Variants in FRMD4A observed in about 807,000 individuals in gnomAD.
FRMD4A encodes FERM domain containing 4A, also known as FERM domain-containing protein 4A.
Under a neutral mutation model 129.1 loss-of-function variants are expected in FRMD4A, and 29 were observed. The ratio of observed to expected loss-of-function variants is 0.22; its 90% CI spans 0.17 to 0.31. FRMD4A has a LOEUF of 0.31. FRMD4A is among the 10% of genes least tolerant of loss of function. The pLI is 1.00. For missense variants in FRMD4A, 1,272 were observed against 1,375.8 expected (o/e 0.92, Z 1.19); for synonymous variants, 634 against 571.6 (o/e 1.11, Z -1.56).
intron 2 of FRMD4A, among the ~76,000 whole-genome samples, chr10:14,076,631 C>G (rs1835624952): frequency 6.6e-6 from 1 of 151,238 alleles, no homozygotes; most frequent in South Asian, 2.1e-4. Context: ...CAGAGCGAGA[C>G]TCCGTCTCAA....
Position 14,239,652 on chromosome 10 carries a change from C to T in FRMD4A, c.45+90406G>A, listed in dbSNP as rs66964294. 4.0e-5 allele frequency among the ~76,000 whole-genome samples: 6 copies of T among 149,982 alleles called. No individual in the cohort carries two copies. The South Asian group carries it at 1.3e-3, about 32-fold the overall frequency. On this transcript the variant is annotated intron_variant, in intron 2 of 24. Transcript: ENST00000357447. Reference sequence around the variant, plus strand: ...AAGAAAAAACAAACAAACAAACAAACAAAAAAAAACTGGCAAAAGCCAGGT... The same window carrying T: ...AAGAAAAAACAAACAAACAAACAAATAAAAAAAAACTGGCAAAAGCCAGGT...
chr10:13,949,060 A>T (rs1235019048), intron 2 of FRMD4A, among the ~76,000 whole-genome samples: 1 of 152,192 alleles, frequency 6.6e-6, no homozygotes, highest in African/African-American at 2.4e-5. Flanking sequence ...GTGAGTGCTT[A>T]GGAACTGGAG....
intron 2 of FRMD4A, among the ~76,000 whole-genome samples, chr10:14,314,014 G>A (rs912009296): frequency 1.2e-4 from 18 of 152,162 alleles, no homozygotes; most frequent in African/African-American, 3.6e-4. Flanking sequence ...AGCAGAAAGG[G>A]ATTTACTACT....
chr10:14,327,931 C>T (rs769018862), intron 2 of FRMD4A, among the ~76,000 whole-genome samples: 37 of 152,162 alleles, frequency 2.4e-4, no homozygotes, highest in Non-Finnish European at 4.0e-4. Flanking sequence ...AAAGCAACTC[C>T]GCTAAATGGC....
chr10:14,109,431 G>C (rs189102466), intron 2 of FRMD4A, among the ~76,000 whole-genome samples: 8 of 152,252 alleles, frequency 5.3e-5, no homozygotes, highest in African/African-American at 1.9e-4. Flanking sequence ...AATGTAAAAT[G>C]AGTGTTACAC....
At chr10:13,814,740 C>T (rs561249677) in intron 3 of FRMD4A, among the ~76,000 whole-genome samples, 82 of 151,990 alleles carry the variant, frequency 5.4e-4, no homozygotes, top group African/African-American at 1.9e-3. Context: ...CAGATTTGAT[C>T]AGAGATACAT....
At chr10:14,196,789 G>A (rs1225085515) in intron 2 of FRMD4A, among the ~76,000 whole-genome samples, 1 of 152,194 alleles carries the variant, frequency 6.6e-6, no homozygotes, top group Non-Finnish European at 1.5e-5. Context: ...GTGATTGCTT[G>A]AATCCAAATA....
chr10:13,712,431 T>C (rs1364697446), intron 12 of FRMD4A, among the ~76,000 whole-genome samples: 2 of 151,986 alleles, frequency 1.3e-5, no homozygotes, highest in Non-Finnish European at 2.9e-5. Flanking sequence ...GGAGAATCGC[T>C]TGTACCCAGG....
chr10:13,678,089 T>C (rs967348239), intron 15 of FRMD4A, among the ~76,000 whole-genome samples: 4 of 152,204 alleles, frequency 2.6e-5, no homozygotes, highest in South Asian at 2.1e-4. Flanking sequence ...TTGCTAGTTA[T>C]GGGATTAGTT....
chr10:14,310,368 G>A (rs1846504054), intron 2 of FRMD4A, among the ~76,000 whole-genome samples: 1 of 152,174 alleles, frequency 6.6e-6, no homozygotes, highest in Non-Finnish European at 1.5e-5. Flanking sequence ...AGACAGTGAG[G>A]GTCAAAGAGT....
intron 2 of FRMD4A, among the ~76,000 whole-genome samples, chr10:14,130,877 G>T (rs1280387499): frequency 6.6e-6 from 1 of 152,148 alleles, no homozygotes; most frequent in Admixed American, 6.5e-5. Flanking sequence ...TTGGGATTAA[G>T]CCTCCACACA....
At chr10:13,858,818 A>C (rs756602855) in intron 3 of FRMD4A, 29 bp downstream of exon 3, 2 of 1,361,602 alleles carry the variant, frequency 1.5e-6, no homozygotes, top group South Asian at 1.2e-5. Flanking sequence ...CACCAAAGAA[A>C]CTCAGAAAGT....
At chr10:14,075,025 T>G (rs1835503129) in intron 2 of FRMD4A, among the ~76,000 whole-genome samples, 2 of 142,252 alleles carry the variant, frequency 1.4e-5, no homozygotes, top group Non-Finnish European at 3.0e-5. Context: ...AAGAAAGATG[T>G]CCTTATGAAT....
At chr10:13,994,886 T>C (rs2095616954) in intron 2 of FRMD4A, among the ~76,000 whole-genome samples, 1 of 152,218 alleles carries the variant, frequency 6.6e-6, no homozygotes, top group South Asian at 2.1e-4. Flanking sequence ...ATTTTCCTGC[T>C]ACATTTCTTC....
intron 2 of FRMD4A, among the ~76,000 whole-genome samples, chr10:13,910,944 CTT>C (rs1317350867): frequency 1.0e-4 from 13 of 124,532 alleles, no homozygotes; most frequent in Non-Finnish European, 2.2e-4. Flanking sequence ...GGTTTGAAAA[CTT>C]GTCTTTTAAG....
intron 2 of FRMD4A, among the ~76,000 whole-genome samples, chr10:13,986,679 T>A (rs1385892701): frequency 1.5e-5 from 2 of 134,500 alleles, no homozygotes; most frequent in African/African-American, 2.7e-5. Flanking sequence ...ATAAATAAAA[T>A]AAATATAAGG....
chr10:14,327,897 A>C (rs116322632), intron 2 of FRMD4A, among the ~76,000 whole-genome samples: 23 of 152,344 alleles, frequency 1.5e-4, no homozygotes, highest in African/African-American at 5.1e-4. Flanking sequence ...TAATGTTTAC[A>C]GCTTCCTTCC....
At chr10:14,172,873 C>T (rs1841546863) in intron 2 of FRMD4A, among the ~76,000 whole-genome samples, 1 of 152,222 alleles carries the variant, frequency 6.6e-6, no homozygotes, top group African/African-American at 2.4e-5. Flanking sequence ...TTGTAACAAA[C>T]TCTCACTTGA....
intron 2 of FRMD4A, among the ~76,000 whole-genome samples, chr10:14,138,776 A>C (rs1839680715): frequency 6.6e-6 from 1 of 152,126 alleles, no homozygotes; most frequent in African/African-American, 2.4e-5. Flanking sequence ...AGAAAAAAAG[A>C]AAAAAAGAAC....
Sources: allele counts gnomAD v4.1 joint callset (sites outside exome capture counted in the v4.1 genomes callset), GRCh38; gene constraint gnomAD v4.1.1; transcripts MANE v1.5; gene names NCBI Gene and HGNC (gene_info 2026-07-23, HGNC 2026-07-21).